MYO3A: variants seen among roughly 807,000 people sequenced by gnomAD.
The protein encoded by MYO3A is myosin IIIA.
In MYO3A, 180 loss-of-function variants were observed where a neutral mutation model predicts 192.7. The ratio of observed to expected loss-of-function variants is 0.93; its 90% CI spans 0.83 to 1.06. The LOEUF (loss-of-function observed/expected upper bound fraction) is 1.06. Among genes scored for constraint, MYO3A ranks in the 50% least tolerant of loss-of-function variants. The probability of loss-of-function intolerance (pLI) is 0.00; values close to 1 mark genes in which losing one functional copy is unlikely to be tolerated. For missense variants in MYO3A, 1,896 were observed against 1,905.0 expected (o/e 1.00, Z 0.09); for synonymous variants, 628 against 645.3 (o/e 0.97, Z 0.41).
intron 34 of MYO3A, among the ~76,000 whole-genome samples, chr10:26,205,702 C>T (rs1411356958): frequency 2.7e-5 from 4 of 148,598 alleles, no homozygotes; most frequent in Admixed American, 6.7e-5. Context: ...CTGCAAGCTC[C>T]GCCTCCTGGG....
At chr10:26,206,941 A>G (rs189811144) in intron 34 of MYO3A, among the ~76,000 whole-genome samples, 1 of 152,234 alleles carries the variant, frequency 6.6e-6, no homozygotes, top group Non-Finnish European at 1.5e-5. Flanking sequence ...CATTTCCCCA[A>G]TGATTAGTGA....
At position 26,153,865 on chromosome 10, in the gene MYO3A, C is replaced by G. The variant is rs1840944287; in HGVS notation, c.2651C>G (p.Ser884Cys). ...ATTCTCATAGGTAATCTGCCACATTCTAAAACTAAAAATGTTATAAACTAT... is the reference window on the plus strand; with the variant it reads ...ATTCTCATAGGTAATCTGCCACATTGTAAAACTAAAAATGTTATAAACTAT... ...PLTKTGNLPH[S>C]KTKNVINYQM... The change falls in exon 24 of 35, where the codon TCT (serine) becomes TGT (cysteine). Residue 884 changes from serine to cysteine, a missense_variant. Physicochemically the swap from Ser to Cys is moderately radical, Grantham distance 112. Coordinates refer to ENST00000642920, the MANE Select transcript of MYO3A (RefSeq NM_017433.5). 2 of 1,577,962 alleles carry G rather than the reference C, an allele frequency of 1.3e-6. No homozygotes were observed. The highest frequency in any genetic ancestry group is 2.2e-5 in the South Asian group (2 of 90,314).
At position 26,127,548 on chromosome 10, in the gene MYO3A, A is replaced by G. The variant is rs185695953; in HGVS notation, c.2115-843A>G. Among the ~76,000 whole-genome samples, 7 of 152,278 alleles carry G rather than the reference A, an allele frequency of 4.6e-5. No homozygotes were observed. In the East Asian group the frequency reaches 1.3e-3, roughly 29 times the overall value. ...GATTTTGAATTCAGTTGCTTCCTCC[A>G]AATGTAGAGCGGATCCTTCAGGTCA... On this transcript the variant is annotated intron_variant, in intron 19 of 34. Coordinates refer to ENST00000642920, the MANE Select transcript of MYO3A (RefSeq NM_017433.5).
chr10:25,961,348 A>T (rs1453457450), intron 4 of MYO3A, among the ~76,000 whole-genome samples: 3 of 152,176 alleles, frequency 2.0e-5, no homozygotes, highest in African/African-American at 7.2e-5. Context: ...ACCTGGAATT[A>T]GGAGACAGTT....
At chr10:26,104,387 C>T (rs558394232) in intron 17 of MYO3A, among the ~76,000 whole-genome samples, 1 of 152,102 alleles carries the variant, frequency 6.6e-6, no homozygotes, top group Non-Finnish European at 1.5e-5. Flanking sequence ...AAGTAGGGAT[C>T]CAGCTTCATT....
At chr10:26,129,062 G>T (rs1839388553) in intron 20 of MYO3A, among the ~76,000 whole-genome samples, 1 of 152,086 alleles carries the variant, frequency 6.6e-6, no homozygotes, top group Non-Finnish European at 1.5e-5. Context: ...AGAAAAATCA[G>T]ACTTAAATCA....
At chr10:26,161,499 G>A (rs1043947597) in intron 26 of MYO3A, among the ~76,000 whole-genome samples, 3 of 152,146 alleles carry the variant, frequency 2.0e-5, no homozygotes, top group African/African-American at 7.2e-5. Flanking sequence ...ACTTACTGAA[G>A]GCAGTAGTAT....
intron 32 of MYO3A, 181 bp from the exon 33 acceptor site, chr10:26,201,084 A>T: frequency 3.5e-6 from 1 of 286,420 alleles, no homozygotes; most frequent in Non-Finnish European, 6.6e-6. Context: ...CCAGAAATTT[A>T]TAATTAATAA....
intron 23 of MYO3A, among the ~76,000 whole-genome samples, chr10:26,151,288 A>G (rs946991802): frequency 5.3e-5 from 8 of 151,752 alleles, no homozygotes; most frequent in African/African-American, 1.9e-4. Context: ...ATATTTGGCT[A>G]TAGCTGTCAA....
At chr10:26,186,143 G>A (rs1292582541) in intron 31 of MYO3A, among the ~76,000 whole-genome samples, 1 of 152,082 alleles carries the variant, frequency 6.6e-6, no homozygotes, top group African/African-American at 2.4e-5. Flanking sequence ...TGAAGTTACT[G>A]AGTTACAAGA....
At position 26,211,831 on chromosome 10, in the gene MYO3A, T is replaced by C; in HGVS notation, c.4731-12T>C. ...GTGAGGTTGACACTTGGGCCCTGGG[T>C]TTCACTTGCAGGTGCTGGGCGGCGG... On this transcript the variant is annotated splice_polypyrimidine_tract_variant and intron_variant, in intron 34 of 34. Transcript: ENST00000642920. The C allele has an allele frequency of 1.9e-6, 3 of 1,613,800 alleles. No individual in the cohort carries two copies. The highest frequency in any genetic ancestry group is 2.5e-6 in the Non-Finnish European group (3 of 1,179,940).
At chr10:26,073,159 G>A (rs967596355) in intron 14 of MYO3A, among the ~76,000 whole-genome samples, 18 of 152,184 alleles carry the variant, frequency 1.2e-4, no homozygotes, top group Admixed American at 1.1e-3. Flanking sequence ...AGGAGGTTGA[G>A]GTTGCAGTAA....
At chr10:26,085,671 G>A (rs1288520492) in intron 14 of MYO3A, among the ~76,000 whole-genome samples, 2 of 152,172 alleles carry the variant, frequency 1.3e-5, no homozygotes, top group Admixed American at 6.5e-5. Flanking sequence ...GGAGGCCTGC[G>A]GCCCTCTGAG....
At chr10:26,019,415 C>T (rs1043244402) in intron 7 of MYO3A, among the ~76,000 whole-genome samples, 16 of 152,186 alleles carry the variant, frequency 1.1e-4, no homozygotes, top group Admixed American at 7.2e-4. Flanking sequence ...CCTGCCAACA[C>T]GCCTGGCTAA....
At chr10:26,165,985 C>T in intron 26 of MYO3A, 82 bp from the exon 27 acceptor site, 1 of 1,118,718 alleles carries the variant, frequency 8.9e-7, no homozygotes, top group Non-Finnish European at 1.4e-6. Context: ...TCAGCCCCTG[C>T]ACTAAGTTGT....
intron 4 of MYO3A, among the ~76,000 whole-genome samples, chr10:25,993,497 T>G (rs945112856): frequency 2.0e-5 from 3 of 152,200 alleles, no homozygotes; most frequent in Non-Finnish European, 2.9e-5. Flanking sequence ...AAGGGTTTTT[T>G]GTGTCTCTAT....
intron 4 of MYO3A, among the ~76,000 whole-genome samples, chr10:25,962,576 TA>T (rs1440065253): frequency 2.6e-5 from 4 of 152,226 alleles, no homozygotes; most frequent in African/African-American, 9.6e-5. Flanking sequence ...CATTTTGAAA[TA>T]CCTTATGTAT....
In MYO3A at chr10:26,026,356, TG is replaced by T. The variant is rs757014936; in HGVS notation, c.798-20del. 3.7e-6 allele frequency: 6 copies of T among 1,613,738 alleles called. 1 individual carries two copies. The South Asian group carries it at 6.6e-5, about 18-fold the overall frequency. On this transcript the variant is annotated intron_variant, in intron 9 of 34. Coordinates refer to ENST00000642920, the MANE Select transcript of MYO3A (RefSeq NM_017433.5). ...AACTCTAACTTATCTAATAATTGCA[TG>T]TTCTTTTTTGCCAGTGCAGGTGCTT...
chr10:25,992,003 T>G (rs1443040024), intron 4 of MYO3A, among the ~76,000 whole-genome samples: 1 of 152,226 alleles, frequency 6.6e-6, no homozygotes, highest in Non-Finnish European at 1.5e-5. Flanking sequence ...GTGGGCTCTT[T>G]TTTGGTTCCA....
Sources: gnomAD v4.1 joint callset for allele counts (sites outside exome capture counted in the v4.1 genomes callset) on GRCh38, gnomAD v4.1.1 for gene constraint, MANE v1.5 for transcripts, NCBI Gene and HGNC (gene_info 2026-07-23, HGNC 2026-07-21) for gene names.